ESRRB: variants seen among roughly 807,000 people sequenced by gnomAD.
The protein encoded by ESRRB is steroid hormone receptor ERR2.
Under a neutral mutation model 46.0 loss-of-function variants are expected in ESRRB, and 16 were observed. That is an observed-to-expected ratio of 0.35 (90% confidence interval 0.24 to 0.53). The LOEUF is 0.53. Among genes scored for constraint, ESRRB ranks in the 20% least tolerant of loss-of-function variants. The pLI is 0.93. For synonymous variants in ESRRB, 246 were observed against 259.6 expected (o/e 0.95, Z 0.50); for missense variants, 488 against 607.4 (o/e 0.80, Z 2.07).
chr14:76,397,750 A>G (rs971605716), intron 1 of ESRRB, among the ~76,000 whole-genome samples: 6 of 152,168 alleles, frequency 3.9e-5, no homozygotes, highest in African/African-American at 1.2e-4. Context: ...ATTTTTCAAA[A>G]AGAATAAAAC....
intron 5 of ESRRB, among the ~76,000 whole-genome samples, chr14:76,490,206 T>TG (rs1890171071): frequency 6.6e-6 from 1 of 152,252 alleles, no homozygotes; most frequent in African/African-American, 2.4e-5. Context: ...AGCATGTCCG[T>TG]GTTAGAACCA....
chr14:76,449,219 A>G (rs1888279208), intron 2 of ESRRB, among the ~76,000 whole-genome samples: 1 of 152,196 alleles, frequency 6.6e-6, no homozygotes, highest in South Asian at 2.1e-4. Flanking sequence ...AACACTTGTA[A>G]GATTATTTTC....
At chr14:76,476,174 A>C (rs956089128) in intron 3 of ESRRB, among the ~76,000 whole-genome samples, 1 of 152,058 alleles carries the variant, frequency 6.6e-6, no homozygotes, top group Non-Finnish European at 1.5e-5. Context: ...GCACAGGGTC[A>C]TGTATTCCAG....
Position 76,314,783 on chromosome 14 carries a change from A to G in ESRRB, c.2+3867A>G, listed in dbSNP as rs186691909. 8.7e-3 allele frequency among the ~76,000 whole-genome samples: 1,319 copies of G among 152,086 alleles called. 18 individuals are homozygous for G. Among genetic ancestry groups the G allele is most frequent in the African/African-American group, 0.03 (1,261 of 41,476 alleles). On this transcript the variant is annotated intron_variant, in intron 1 of 6. Coordinates refer to the ESRRB transcript ENST00000512784. ...TGAGGTCAGAAGTCTAAGTCCCGGC[A>G]AGCATTCTGGCCTCTCTCTCCCCTC...
intron 1 of ESRRB, among the ~76,000 whole-genome samples, chr14:76,335,021 G>A (rs866554618): frequency 6.6e-5 from 10 of 152,130 alleles, no homozygotes; most frequent in African/African-American, 2.2e-4. Flanking sequence ...CTTCTGGGCC[G>A]GCCTCACCTT....
chr14:76,392,137 G>A (rs761892223), intron 1 of ESRRB, among the ~76,000 whole-genome samples: 2 of 152,180 alleles, frequency 1.3e-5, no homozygotes, highest in Non-Finnish European at 2.9e-5. Flanking sequence ...GGGCAGGGAG[G>A]GGCCTCCAGG....
intron 2 of ESRRB, among the ~76,000 whole-genome samples, chr14:76,445,845 C>G (rs1035103024): frequency 6.6e-6 from 1 of 152,050 alleles, no homozygotes; most frequent in African/African-American, 2.4e-5. Flanking sequence ...ACCACCACAC[C>G]CGGCTAATTT....
chr14:76,326,610 G>C (rs1883932837), intron 1 of ESRRB, among the ~76,000 whole-genome samples: 1 of 152,190 alleles, frequency 6.6e-6, no homozygotes, highest in South Asian at 2.1e-4. Context: ...TGAGTGAGAA[G>C]AGTGTTGGTG....
At chr14:76,395,547 G>A (rs931236080) in intron 1 of ESRRB, among the ~76,000 whole-genome samples, 2 of 152,006 alleles carry the variant, frequency 1.3e-5, no homozygotes, top group Non-Finnish European at 2.9e-5. Flanking sequence ...GTGTACCCTG[G>A]GGCAAGTCAC....
chr14:76,483,096 C>G (rs1889873149), intron 5 of ESRRB, among the ~76,000 whole-genome samples: 1 of 152,154 alleles, frequency 6.6e-6, no homozygotes, highest in Non-Finnish European at 1.5e-5. Flanking sequence ...TCTTGTAGAC[C>G]TTATTGGAAG....
At chr14:76,330,829 G>A (rs1884004864) in intron 1 of ESRRB, among the ~76,000 whole-genome samples, 1 of 152,174 alleles carries the variant, frequency 6.6e-6, no homozygotes, top group South Asian at 2.1e-4. Flanking sequence ...GGGGTATGCT[G>A]AGGAGTCCTG....
upstream of ESRRB, among the ~76,000 whole-genome samples, chr14:76,367,161 G>A (rs1313705633): frequency 6.6e-6 from 1 of 152,114 alleles, no homozygotes; most frequent in African/African-American, 2.4e-5. Flanking sequence ...GGAGATGCCA[G>A]GCAGTGAGAC....
chr14:76,385,004 T>C (rs1489669048), intron 1 of ESRRB, among the ~76,000 whole-genome samples: 2 of 152,174 alleles, frequency 1.3e-5, no homozygotes, highest in African/African-American at 4.8e-5. Context: ...TGAAGCCTGC[T>C]CACCTACAGA....
intron 1 of ESRRB, among the ~76,000 whole-genome samples, chr14:76,335,621 C>T (rs1884117888): frequency 6.6e-6 from 1 of 152,172 alleles, no homozygotes; most frequent in Non-Finnish European, 1.5e-5. Context: ...TTGAGATCCT[C>T]CCTTGTGTCT....
At chr14:76,332,834 A>AT (rs1302644721) in intron 1 of ESRRB, among the ~76,000 whole-genome samples, 8 of 29,928 alleles carry the variant, frequency 2.7e-4, no homozygotes, top group African/African-American at 8.2e-4. Flanking sequence ...ATATTTATAT[A>AT]TTATATATTT....
chr14:76,404,952 T>C (rs931648538), intron 1 of ESRRB, among the ~76,000 whole-genome samples: 2 of 152,244 alleles, frequency 1.3e-5, no homozygotes, highest in African/African-American at 4.8e-5. Flanking sequence ...CAGACCCAGC[T>C]GGATGTTGAC....
chr14:76,389,670 C>G (rs1456930531), intron 1 of ESRRB, among the ~76,000 whole-genome samples: 1 of 152,146 alleles, frequency 6.6e-6, no homozygotes, highest in East Asian at 1.9e-4. Flanking sequence ...AAATCCTGGT[C>G]CCAATGGTGT....
chr14:76,411,450 A>G lies in ESRRB; in HGVS notation c.51-27891A>G, dbSNP rs1005981635. Among the ~76,000 whole-genome samples, 4 of 113,478 alleles carry G rather than the reference A, an allele frequency of 3.5e-5. No individual in the cohort carries two copies. The Admixed American group carries it at 3.7e-4, about 11-fold the overall frequency. 74.4% of individuals were successfully genotyped at this position (113,478 alleles called of 152,430 possible). ...ACAACAAAGCAAGACTCCATCTTCC[A>G]AAAAAAAAACAGGAGGTGAACTTGC... On this transcript the variant is annotated intron_variant, in intron 1 of 6. Coordinates refer to ENST00000644823, the MANE Select transcript of ESRRB (RefSeq NM_001379180.1).
chr14:76,377,609 C>A (rs1884830272), intron 1 of ESRRB, among the ~76,000 whole-genome samples: 1 of 152,274 alleles, frequency 6.6e-6, no homozygotes, highest in African/African-American at 2.4e-5. Context: ...AAACTAAATT[C>A]TCCAAGTCAG....
Sources: allele counts gnomAD v4.1 joint callset (sites outside exome capture counted in the v4.1 genomes callset), GRCh38; gene constraint gnomAD v4.1.1; transcripts MANE v1.5; gene names NCBI Gene and HGNC (gene_info 2026-07-23, HGNC 2026-07-21).